The following SMCHD1 variants were observed in gnomAD, a reference collection of about 807,000 sequenced individuals.
SMCHD1 encodes the protein structural maintenance of chromosomes flexible hinge domain containing 1.
Under a neutral mutation model 254.7 loss-of-function variants are expected in SMCHD1, and 78 were observed. The ratio of observed to expected loss-of-function variants is 0.31; its 90% CI spans 0.26 to 0.37. The LOEUF (loss-of-function observed/expected upper bound fraction) is 0.37, where lower values mean the gene tolerates loss of function less well. Among genes scored for constraint, SMCHD1 ranks in the 10% least tolerant of loss-of-function variants. The probability of loss-of-function intolerance (pLI) is 1.00; values close to 1 mark genes in which losing one functional copy is unlikely to be tolerated. For missense variants in SMCHD1, 1,840 were observed against 2,408.1 expected (o/e 0.76, Z 4.94); for synonymous variants, 766 against 794.9 (o/e 0.96, Z 0.61).
At chr18:2,770,713 C>T (rs1281823360) in intron 39 of SMCHD1, among the ~76,000 whole-genome samples, 1 of 152,124 alleles carries the variant, frequency 6.6e-6, no homozygotes, top group Non-Finnish European at 1.5e-5. Context: ...CTCTGCCTCC[C>T]AAGTTCAAGT....
intron 45 of SMCHD1, among the ~76,000 whole-genome samples, chr18:2,786,485 A>C (rs965308985): frequency 6.6e-6 from 1 of 152,076 alleles, no homozygotes; most frequent in African/African-American, 2.4e-5. Flanking sequence ...TGAGGTCAGG[A>C]GTTCAAGACT....
chr18:2,675,413 C>A (rs1372874817), intron 5 of SMCHD1, among the ~76,000 whole-genome samples: 3 of 151,882 alleles, frequency 2.0e-5, no homozygotes, highest in Non-Finnish European at 4.4e-5. Flanking sequence ...TACAGGCACC[C>A]ACCACCATGC....
At chr18:2,748,342 T>TTGTGTGTGTGTGTGTGTGTGTG (rs1199860810) in intron 30 of SMCHD1, among the ~76,000 whole-genome samples, 21 of 78,444 alleles carry the variant, frequency 2.7e-4, no homozygotes, top group African/African-American at 1.2e-3. Flanking sequence ...CTTTGCAAAG[T>TTGTGTGTGTGTGTGTGTGTGTG]TGTGTGTGTG....
chr18:2,742,718 CTGGAGTGCAG>C (rs1315311744), intron 28 of SMCHD1, among the ~76,000 whole-genome samples: 1 of 152,126 alleles, frequency 6.6e-6, no homozygotes, highest in Non-Finnish European at 1.5e-5. Flanking sequence ...TTTGCCCAGG[CTGGAGTGCAG>C]TGCAGTGTTG....
chr18:2,768,672 A>T (rs2075918720), intron 37 of SMCHD1, among the ~76,000 whole-genome samples: 1 of 150,778 alleles, frequency 6.6e-6, no homozygotes, highest in Non-Finnish European at 1.5e-5. Flanking sequence ...TATATAGTGT[A>T]CTATATACTA....
rs1447389449 is a variant in SMCHD1 at position 2,700,604 on chromosome 18, C to T, written c.1408C>T (p.Pro470Ser). ...TGAGAAAGCAGCTAGAGGGAAAAGG[C>T]CTATTTTTGAATGTTTTTGGAATGG... The part of the protein sequence containing the change: ...ILEKAARGKR[P>S]IFECFWNGRL... Residue 470 changes from proline (P) to serine (S), a missense_variant, in exon 11 of 48, where the codon CCT (proline) becomes TCT (serine). Pro to Ser is a moderately conservative substitution (Grantham distance 74). Transcript: ENST00000320876. 3 of 1,611,492 alleles carry T rather than the reference C, an allele frequency of 1.9e-6. No individual in the cohort carries two copies. The highest frequency in any genetic ancestry group is 2.5e-6 in the Non-Finnish European group (3 of 1,178,502).
At chr18:2,674,226 A>G (rs896690264) in intron 5 of SMCHD1, 81 bp downstream of exon 5, 6 of 1,164,330 alleles carry the variant, frequency 5.2e-6, no homozygotes, top group East Asian at 2.7e-5. Context: ...CTTTGGATGC[A>G]TATGATACAT....
chr18:2,740,183 G>A (rs571384385), intron 27 of SMCHD1, among the ~76,000 whole-genome samples: 4 of 152,168 alleles, frequency 2.6e-5, no homozygotes, highest in East Asian at 3.9e-4. Context: ...AACATGTGGT[G>A]TTTGGTTTTC....
chr18:2,670,912 A>AG (rs1416249385), intron 3 of SMCHD1, among the ~76,000 whole-genome samples: 193 of 151,284 alleles, frequency 1.3e-3, no homozygotes, highest in African/African-American at 4.2e-3. Flanking sequence ...AAAAAAAAAA[A>AG]AAAGAAAATT....
chr18:2,677,063 G>A (rs1002467160), intron 5 of SMCHD1, among the ~76,000 whole-genome samples: 1 of 151,950 alleles, frequency 6.6e-6, no homozygotes, highest in Non-Finnish European at 1.5e-5. Context: ...TAGTGTTCAG[G>A]CTAGTTTTCT....
At chr18:2,662,458 A>C (rs1333457594) in intron 1 of SMCHD1, among the ~76,000 whole-genome samples, 1 of 151,646 alleles carries the variant, frequency 6.6e-6, no homozygotes, top group Non-Finnish European at 1.5e-5. Context: ...CCAGCTGGCC[A>C]ACGTGGTGAA....
intron 30 of SMCHD1, among the ~76,000 whole-genome samples, chr18:2,748,342 T>TTTGTG (rs1491395194): frequency 8.9e-5 from 7 of 78,430 alleles, no homozygotes; most frequent in African/African-American, 2.2e-4. Flanking sequence ...CTTTGCAAAG[T>TTTGTG]TGTGTGTGTG....
intron 1 of SMCHD1, among the ~76,000 whole-genome samples, chr18:2,656,798 C>CG (rs970894247): frequency 4.6e-5 from 7 of 151,706 alleles, no homozygotes; most frequent in East Asian, 1.9e-4. Context: ...GGCGGGGCGG[C>CG]GGGGGGGATC....
intron 3 of SMCHD1, among the ~76,000 whole-genome samples, chr18:2,668,755 A>G (rs2073509584): frequency 6.6e-6 from 1 of 152,046 alleles, no homozygotes; most frequent in East Asian, 1.9e-4. Flanking sequence ...CTACCACTCT[A>G]CTGTACCCAC....
chr18:2,709,903 A>G (rs529796440), intron 17 of SMCHD1, among the ~76,000 whole-genome samples: 3 of 152,296 alleles, frequency 2.0e-5, no homozygotes, highest in East Asian at 3.9e-4. Flanking sequence ...TTTAATTTTG[A>G]CAAACAATTA....
chr18:2,694,589 G>C lies in SMCHD1; in HGVS notation c.936G>C (p.Glu312Asp). Residue 312 changes from glutamate to aspartate, a missense_variant, in exon 8 of 48, where the codon GAG becomes GAC. Physicochemically the swap from Glu to Asp is conservative, Grantham distance 45. This residue lies in a region of SMCHD1 where 498 missense variants were observed against 743.5 expected (regional missense o/e 0.67). Transcript: ENST00000320876. ...DERFLHHLII[E>D]EKEKDSFTAV... ...GATTTCTACATCATCTTATCATAGA[G>C]GAGAAGGAAAAAGATAGCTTTACTG... 1 of 1,610,402 alleles carries C rather than the reference G, an allele frequency of 6.2e-7. No homozygotes were observed. Among genetic ancestry groups the C allele is most frequent in the African/African-American group, 1.3e-5 (1 of 74,982 alleles).
intron 5 of SMCHD1, among the ~76,000 whole-genome samples, chr18:2,676,644 C>T (rs984651113): frequency 2.6e-5 from 4 of 152,144 alleles, no homozygotes; most frequent in Non-Finnish European, 5.9e-5. Context: ...GTACTACTCC[C>T]TCACCCCACC....
At chr18:2,709,768 G>A (rs906827790) in intron 17 of SMCHD1, among the ~76,000 whole-genome samples, 5 of 152,126 alleles carry the variant, frequency 3.3e-5, no homozygotes, top group Non-Finnish European at 7.4e-5. Context: ...TTGTTGTTGA[G>A]TTGTAAGAGT....
At chr18:2,776,877 T>TA in intron 42 of SMCHD1, among the ~76,000 whole-genome samples, 1 of 152,142 alleles carries the variant, frequency 6.6e-6, no homozygotes, top group East Asian at 1.9e-4. Context: ...GGGTCATAGT[T>TA]ACTATGTTGA....
Sources: gnomAD v4.1 joint callset for allele counts (sites outside exome capture counted in the v4.1 genomes callset) on GRCh38, gnomAD v4.1.1 for gene constraint, gnomAD v4.1.1 regional missense constraint, MANE v1.5 for transcripts, NCBI Gene and HGNC (gene_info 2026-07-23, HGNC 2026-07-21) for gene names.